Variants in CDH12 observed in about 807,000 individuals in gnomAD.
The protein encoded by CDH12 is cadherin-12.
CDH12 carries 41 observed loss-of-function variants against 74.1 expected under a neutral mutation model. That is an observed-to-expected ratio of 0.55 (90% CI 0.43 to 0.72). The LOEUF is 0.72. Among genes scored for constraint, CDH12 ranks in the 30% least tolerant of loss-of-function variants. The pLI is 0.00. For missense variants in CDH12, 945 were observed against 977.2 expected (o/e 0.97, Z 0.44); for synonymous variants, 399 against 355.0 (o/e 1.12, Z -1.39).
rs113544919 is a variant in CDH12 at position 22,342,163 on chromosome 5, A to G, written c.-333+63094T>C. ...ATTATGAGGCCTCACACACATTACT[A>G]ATATAACCTTCAATATCTCCCAAAG... On this transcript the variant is annotated intron_variant, in intron 3 of 14. Coordinates refer to ENST00000382254, the MANE Select transcript of CDH12 (RefSeq NM_004061.5). Among the ~76,000 whole-genome samples the G allele has an allele frequency of 9.1e-4, 139 of 152,204 alleles. 1 individual carries two copies. Among genetic ancestry groups the G allele is most frequent in the African/African-American group, 3.2e-3 (131 of 41,526 alleles).
At chr5:21,763,416 G>A (rs1242115248) in intron 12 of CDH12, among the ~76,000 whole-genome samples, 1 of 152,104 alleles carries the variant, frequency 6.6e-6, no homozygotes, top group East Asian at 1.9e-4. Context: ...TGGGACAAAG[G>A]TTCTACTAAG....
At chr5:22,099,706 C>T (rs891690150) in intron 4 of CDH12, among the ~76,000 whole-genome samples, 1 of 152,162 alleles carries the variant, frequency 6.6e-6, no homozygotes, top group African/African-American at 2.4e-5. Flanking sequence ...CCTGGTGCTA[C>T]CCCCAAACTG....
Position 21,833,320 on chromosome 5 carries a change from TA to T in CDH12, c.814+8840del, listed in dbSNP as rs1262608463. Among the ~76,000 whole-genome samples, 22 of 41,088 alleles carry T rather than the reference TA, an allele frequency of 5.4e-4. 3 individuals carry two copies. The highest frequency in any genetic ancestry group is 9.0e-4 in the African/African-American group (3 of 3,348). The allele number at this position is 41,088 out of a possible 152,430, so 27.0% of individuals were successfully genotyped here. A position where few individuals can be genotyped will look rare whatever the true frequency, so the allele number is the denominator to read the frequency against. On this transcript the variant is annotated intron_variant, in intron 8 of 14. Coordinates refer to ENST00000382254, the MANE Select transcript of CDH12 (RefSeq NM_004061.5). The stretch of plus-strand genomic sequence containing the variant: ...TATATATTATATGTTATATGTTATA[TA>T]ATATATATTATATATTATATAACAT...
At position 22,078,556 on chromosome 5, in the gene CDH12, G is replaced by A. The variant is rs776746467; in HGVS notation, c.121C>T (p.His41Tyr). Residue 41 changes from histidine (H) to tyrosine (Y), a missense_variant, in exon 5 of 15, where the codon CAT (histidine) becomes TAT (tyrosine). Physicochemically the swap from His to Tyr is moderately conservative, Grantham distance 83. Around this residue, in one of 3 missense-constraint regions of CDH12, gnomAD observed 148 missense variants for 162.8 expected, o/e 0.91. Transcript: ENST00000382254. ...LATEPRENVIHLPGQRSHFQR... is the reference protein window; with the variant it reads ...LATEPRENVIYLPGQRSHFQR... Reference sequence around the variant, plus strand: ...AAATGTGACCGTTGTCCTGGCAGATGGATAACATTTTCTCTTGGCTCTGTG... The same window carrying A: ...AAATGTGACCGTTGTCCTGGCAGATAGATAACATTTTCTCTTGGCTCTGTG... 8.7e-6 allele frequency: 14 copies of A among 1,613,838 alleles called. No homozygotes were observed. The highest frequency in any genetic ancestry group is 6.7e-5 in the East Asian group (3 of 44,890).
At position 22,064,010 on chromosome 5, in the gene CDH12, CACACACACACAA is replaced by C. The variant is rs1265787647; in HGVS notation, c.231+14424_231+14435del. Among the ~76,000 whole-genome samples, 855 of 151,678 alleles carry C rather than the reference CACACACACACAA, an allele frequency of 5.6e-3. 7 individuals carry two copies. Among genetic ancestry groups the C allele is most frequent in the African/African-American group, 0.02 (818 of 41,320 alleles). ...AGATACACACACACACACACACACA[CACACACACACAA>C]ACACACACACACACACAGTTGACCA... is the stretch of plus-strand genomic sequence containing the variant. On this transcript the variant is annotated intron_variant, in intron 5 of 14. Coordinates refer to ENST00000382254, the MANE Select transcript of CDH12 (RefSeq NM_004061.5).
intron 1 of CDH12, among the ~76,000 whole-genome samples, chr5:22,675,160 G>A (rs1741097470): frequency 6.6e-6 from 1 of 152,138 alleles, no homozygotes; most frequent in African/African-American, 2.4e-5. Flanking sequence ...CAGAAGTTTA[G>A]GAGGAAAACA....
intron 1 of CDH12, among the ~76,000 whole-genome samples, chr5:22,677,357 T>G (rs975180043): frequency 6.6e-6 from 1 of 152,112 alleles, no homozygotes; most frequent in African/African-American, 2.4e-5. Flanking sequence ...ACAGACGTCT[T>G]GATTTCAAAA....
At chr5:22,850,237 A>T (rs767880370) in intron 1 of CDH12, among the ~76,000 whole-genome samples, 1 of 152,078 alleles carries the variant, frequency 6.6e-6, no homozygotes, top group Non-Finnish European at 1.5e-5. Context: ...TTGATATTCA[A>T]TACAGGCAGC....
intron 5 of CDH12, among the ~76,000 whole-genome samples, chr5:22,026,359 T>A (rs1360493344): frequency 6.6e-6 from 1 of 152,088 alleles, no homozygotes; most frequent in African/African-American, 2.4e-5. Context: ...AAAAAGAAAT[T>A]GGCCACAACT....
chr5:21,872,716 G>A (rs1303047287), intron 6 of CDH12, among the ~76,000 whole-genome samples: 5 of 152,024 alleles, frequency 3.3e-5, no homozygotes, highest in Admixed American at 1.3e-4. Context: ...AGAGTTTAAT[G>A]TACACCCTAC....
chr5:22,055,500 C>G (rs540654232), intron 5 of CDH12, among the ~76,000 whole-genome samples: 1 of 152,216 alleles, frequency 6.6e-6, no homozygotes, highest in East Asian at 1.9e-4. Flanking sequence ...TTCCATTTCT[C>G]TAAATCTTAT....
At chr5:22,182,675 G>T (rs1365040238) in intron 4 of CDH12, among the ~76,000 whole-genome samples, 3 of 152,168 alleles carry the variant, frequency 2.0e-5, no homozygotes, top group Non-Finnish European at 2.9e-5. Context: ...ATCCTGCCTG[G>T]ACTGAAGATA....
chr5:22,584,494 AC>A (rs1198153732), intron 1 of CDH12, among the ~76,000 whole-genome samples: 20 of 152,332 alleles, frequency 1.3e-4, no homozygotes, highest in African/African-American at 4.8e-4. Context: ...AAAAAATATA[AC>A]ACAATTTAAC....
intron 1 of CDH12, among the ~76,000 whole-genome samples, chr5:22,634,340 A>G (rs187912): frequency 0.62 from 94,408 of 151,914 alleles, 30,034 homozygotes; most frequent in East Asian, 0.88. Flanking sequence ...TTCTCTACAA[A>G]AGATAAAAAT....
chr5:21,756,794 G>A (rs951212096), intron 13 of CDH12, among the ~76,000 whole-genome samples: 5 of 152,148 alleles, frequency 3.3e-5, no homozygotes, highest in African/African-American at 9.7e-5. Flanking sequence ...TATTACAGTT[G>A]TGCAGGTCTG....
chr5:21,995,291 A>G (rs551240912), intron 5 of CDH12, among the ~76,000 whole-genome samples: 50 of 151,740 alleles, frequency 3.3e-4, no homozygotes, highest in Middle Eastern at 6.8e-3. Context: ...CTGTTGATCT[A>G]GTGTGTAGTG....
Position 21,942,385 on chromosome 5 carries a change from CACACAT to C in CDH12, c.526+32700_526+32705del, listed in dbSNP as rs1438641242. 8.0e-4 allele frequency among the ~76,000 whole-genome samples: 115 copies of C among 144,388 alleles called. 1 individual carries two copies. The highest frequency in any genetic ancestry group is 1.2e-3 in the African/African-American group (44 of 36,756). 94.7% of individuals were successfully genotyped at this position (144,388 alleles called of 152,430 possible). A position where few individuals can be genotyped will look rare whatever the true frequency, so the allele number is the denominator to read the frequency against. ...ACACACACACACACACACACACACA[CACACAT>C]ATATATGTGTGGGTGTGTATTAGGA... is the stretch of plus-strand genomic sequence containing the variant. On this transcript the variant is annotated intron_variant, in intron 6 of 14. Coordinates refer to ENST00000382254, the MANE Select transcript of CDH12 (RefSeq NM_004061.5).
intron 2 of CDH12, among the ~76,000 whole-genome samples, chr5:22,419,311 C>A (rs1053032610): frequency 6.6e-6 from 1 of 152,116 alleles, no homozygotes; most frequent in Non-Finnish European, 1.5e-5. Flanking sequence ...CCTTCCCCTG[C>A]ACCCCCTGAC....
intron 1 of CDH12, among the ~76,000 whole-genome samples, chr5:22,822,935 T>C (rs571986356): frequency 1.3e-5 from 2 of 152,210 alleles, no homozygotes; most frequent in South Asian, 4.1e-4. Context: ...CATGCACATG[T>C]ATGTTTATTG....
Sources: allele counts gnomAD v4.1 joint callset (sites outside exome capture counted in the v4.1 genomes callset), GRCh38; gene constraint gnomAD v4.1.1; regional missense constraint gnomAD v4.1.1; transcripts MANE v1.5; gene names NCBI Gene and HGNC (gene_info 2026-07-23, HGNC 2026-07-21).